The following BMERB1 variants were observed in gnomAD, a reference collection of about 807,000 sequenced individuals.
BMERB1 encodes the protein bMERB domain containing 1.
In BMERB1, 12 loss-of-function variants were observed where a neutral mutation model predicts 23.6. That is an observed-to-expected ratio of 0.51 (90% CI 0.33 to 0.82). BMERB1 has a LOEUF of 0.82. BMERB1 is among the 40% of genes least tolerant of loss of function. The pLI, the probability that BMERB1 is intolerant of heterozygous loss-of-function variation, is 0.03. For synonymous variants in BMERB1, 122 were observed against 96.6 expected, an observed-to-expected ratio of 1.26 and a Z score of -1.54; for missense variants, 247 against 255.4, an observed-to-expected ratio of 0.97 and a Z score of 0.22.
intron 1 of BMERB1, among the ~76,000 whole-genome samples, chr16:15,438,888 G>C (rs973295621): frequency 1.3e-5 from 2 of 152,172 alleles, no homozygotes; most frequent in Non-Finnish European, 2.9e-5. Flanking sequence ...TTTATTAAGT[G>C]TGAAAATTAG....
In BMERB1 at chr16:15,515,198, G is replaced by A. The variant is rs556347159; in HGVS notation, c.107-107G>A. The A allele has an allele frequency of 4.7e-6, 7 of 1,480,674 alleles. No homozygotes were observed. The African/African-American group carries it at 9.9e-5, about 21-fold the overall frequency. 91.7% of individuals were successfully genotyped at this position (1,480,674 alleles called of 1,614,324 possible). The stretch of plus-strand genomic sequence containing the variant: ...GGCACAGGCTGAAGTCTGTCCTCAA[G>A]GTGTATGATGGTCGCAGAGCAAGGC... On this transcript the variant is annotated intron_variant, in intron 1 of 5. Transcript: ENST00000300006.
At chr16:15,583,100 G>C in intron 4 of BMERB1, 56 bp from the exon 5 acceptor site, 1 of 1,346,722 alleles carries the variant, frequency 7.4e-7, no homozygotes, top group Non-Finnish European at 1.1e-6. Flanking sequence ...TTGGTTCCTT[G>C]ATGCTTTCCT....
intron 1 of BMERB1, among the ~76,000 whole-genome samples, chr16:15,458,333 C>T (rs994425802): frequency 1.3e-4 from 20 of 152,198 alleles, no homozygotes; most frequent in Admixed American, 9.2e-4. Flanking sequence ...TTTATAGTAT[C>T]TACCACAGTG....
chr16:15,584,019 T>C (rs751252619), intron 5 of BMERB1: 1 of 702,352 alleles, frequency 1.4e-6, no homozygotes, highest in South Asian at 1.5e-5. Flanking sequence ...CTGGAATCTC[T>C]GGAGAAGCCA....
At chr16:15,522,361 A>G (rs1598493506) in intron 2 of BMERB1, among the ~76,000 whole-genome samples, 1 of 152,318 alleles carries the variant, frequency 6.6e-6, no homozygotes, top group South Asian at 2.1e-4. Context: ...CAAGTGTGGT[A>G]AAGAGGACAG....
intron 1 of BMERB1, among the ~76,000 whole-genome samples, chr16:15,470,525 C>G (rs1044539819): frequency 1.6e-5 from 2 of 125,522 alleles, no homozygotes; most frequent in African/African-American, 5.4e-5. Context: ...CTTTTTCTTT[C>G]TTTCTTTCTT....
At chr16:15,489,732 T>A (rs1341075787) in intron 1 of BMERB1, among the ~76,000 whole-genome samples, 1 of 152,154 alleles carries the variant, frequency 6.6e-6, no homozygotes, top group Non-Finnish European at 1.5e-5. Flanking sequence ...CTGTTGACAT[T>A]TACTCTGCTC....
chr16:15,506,324 C>T (rs1026914330), intron 1 of BMERB1, among the ~76,000 whole-genome samples: 18 of 151,860 alleles, frequency 1.2e-4, no homozygotes, highest in African/African-American at 1.9e-4. Flanking sequence ...TACAGGTGCC[C>T]GCCACCACGC....
Position 15,587,085 on chromosome 16 carries a change from A to C in BMERB1, c.*256A>C. The C allele has an allele frequency of 4.2e-6, 2 of 476,924 alleles. No individual in the cohort carries two copies. Among genetic ancestry groups the C allele is most frequent in the East Asian group, 7.1e-5 (2 of 28,020 alleles). The allele number at this position is 476,924 out of a possible 1,614,324, so 29.5% of individuals were successfully genotyped here. A position where few individuals can be genotyped will look rare whatever the true frequency, so the allele number is the denominator to read the frequency against. On this transcript the variant is annotated 3_prime_UTR_variant, in exon 6 of 6. Transcript: ENST00000300006. ...AGGAGTCTGTCTCACTGTTTATCCA[A>C]ACACCAGGAAAGGTCCTCCCTCAAA...
intron 2 of BMERB1, among the ~76,000 whole-genome samples, chr16:15,554,340 C>T (rs1411282291): frequency 6.6e-6 from 1 of 152,162 alleles, no homozygotes; most frequent in African/African-American, 2.4e-5. Flanking sequence ...GTCCTTACCT[C>T]ATAGAGTTGC....
At chr16:15,458,693 G>A (rs2150926925) in intron 1 of BMERB1, among the ~76,000 whole-genome samples, 1 of 150,770 alleles carries the variant, frequency 6.6e-6, no homozygotes, top group African/African-American at 2.4e-5. Context: ...CTCCAGCCTG[G>A]GCAACAAAGT....
chr16:15,523,454 C>T (rs2051875948), intron 2 of BMERB1, among the ~76,000 whole-genome samples: 1 of 152,100 alleles, frequency 6.6e-6, no homozygotes. Flanking sequence ...TTACCAGGGA[C>T]CACACCCTCC....
At position 15,515,587 on chromosome 16, in the gene BMERB1, G is replaced by A. The variant is rs189490709; in HGVS notation, c.230+159G>A. 6.2e-3 allele frequency among the ~76,000 whole-genome samples: 941 copies of A among 152,280 alleles called. 11 individuals are homozygous for A. Among genetic ancestry groups the A allele is most frequent in the Non-Finnish European group, 5.2e-3 (354 of 68,018 alleles). The stretch of plus-strand genomic sequence containing the variant: ...ATTCTCACCACCACCCAGGGAAGTG[G>A]ATATTGTCATCTCCTGTTTTAAGCA... On this transcript the variant is annotated intron_variant, in intron 2 of 5. Coordinates refer to ENST00000300006, the MANE Select transcript of BMERB1 (RefSeq NM_033201.3).
chr16:15,506,272 T>G (rs914575998), intron 1 of BMERB1, among the ~76,000 whole-genome samples: 4 of 151,888 alleles, frequency 2.6e-5, no homozygotes, highest in African/African-American at 9.7e-5. Flanking sequence ...GCCTCCCAGG[T>G]TCACACCATT....
intron 2 of BMERB1, among the ~76,000 whole-genome samples, chr16:15,559,796 G>A (rs568998368): frequency 6.6e-6 from 1 of 152,260 alleles, no homozygotes; most frequent in African/African-American, 2.4e-5. Flanking sequence ...TGCCAACTGG[G>A]GTTTGTAAGT....
At chr16:15,528,515 C>T (rs1319178781) in intron 2 of BMERB1, among the ~76,000 whole-genome samples, 2 of 152,024 alleles carry the variant, frequency 1.3e-5, no homozygotes, top group Admixed American at 6.6e-5. Context: ...TCTGCTCACA[C>T]CTCTTCTCCA....
intron 2 of BMERB1, among the ~76,000 whole-genome samples, chr16:15,523,370 G>A (rs2051875101): frequency 6.6e-6 from 1 of 152,164 alleles, no homozygotes; most frequent in African/African-American, 2.4e-5. Flanking sequence ...CTTGGGAAAT[G>A]CAACATTTGG....
rs552987410 is a variant in BMERB1 at position 15,473,047 on chromosome 16, A to G, written c.106+38288A>G. Among the ~76,000 whole-genome samples, 4 of 152,022 alleles carry G rather than the reference A, an allele frequency of 2.6e-5. No homozygotes were observed. In the East Asian group the frequency reaches 7.8e-4, roughly 30 times the overall value. On this transcript the variant is annotated intron_variant, in intron 1 of 5. Coordinates refer to ENST00000300006, the MANE Select transcript of BMERB1 (RefSeq NM_033201.3). ...GCTAATTTTTGTATTTTCAGTAGAG[A>G]TGAGGTTTCGCCATGTTGGCCAGGC... is the stretch of plus-strand genomic sequence containing the variant.
intron 1 of BMERB1, among the ~76,000 whole-genome samples, chr16:15,446,843 G>A (rs1010311635): frequency 2.0e-5 from 3 of 152,190 alleles, no homozygotes; most frequent in South Asian, 2.1e-4. Flanking sequence ...AGTGCCTTCA[G>A]TGTCAAACTG....
Sources: gnomAD v4.1 joint callset for allele counts (sites outside exome capture counted in the v4.1 genomes callset) on GRCh38, gnomAD v4.1.1 for gene constraint, MANE v1.5 for transcripts, NCBI Gene and HGNC (gene_info 2026-07-23, HGNC 2026-07-21) for gene names.